The following WNT7B variants were observed in gnomAD, a reference collection of about 807,000 sequenced individuals.
WNT7B encodes the protein protein Wnt-7b.
A neutral mutation model predicts 38.2 loss-of-function variants in WNT7B; 19 were observed. That is an observed-to-expected ratio of 0.50 (90% CI 0.35 to 0.73). The LOEUF (loss-of-function observed/expected upper bound fraction) is 0.73, where lower values mean the gene tolerates loss of function less well. Among genes scored for constraint, WNT7B ranks in the 30% least tolerant of loss-of-function variants. The probability of loss-of-function intolerance (pLI) is 0.01; values close to 1 mark genes in which losing one functional copy is unlikely to be tolerated. For missense variants in WNT7B, 423 were observed against 507.9 expected (o/e 0.83, Z 1.61); for synonymous variants, 243 against 209.3 (o/e 1.16, Z -1.39).
chr22:45,933,496 C>T (rs779410190), intron 2 of WNT7B, among the ~76,000 whole-genome samples: 7 of 152,050 alleles, frequency 4.6e-5, no homozygotes, highest in Non-Finnish European at 8.8e-5. Context: ...TTAAACGCCC[C>T]GTTCTGTCTG....
intron 2 of WNT7B, among the ~76,000 whole-genome samples, chr22:45,949,592 C>G (rs1430948247): frequency 6.6e-6 from 1 of 152,234 alleles, no homozygotes; most frequent in Admixed American, 6.5e-5. Context: ...GAATGGGCCC[C>G]AACCACTGCA....
intron 1 of WNT7B, among the ~76,000 whole-genome samples, chr22:45,958,706 C>T (rs1332146634): frequency 6.6e-6 from 1 of 152,218 alleles, no homozygotes; most frequent in Non-Finnish European, 1.5e-5. Context: ...CCCACCCCCA[C>T]TGTCCCGGGG....
chr22:45,935,512 T>G (rs910599635), intron 2 of WNT7B, among the ~76,000 whole-genome samples: 5 of 152,038 alleles, frequency 3.3e-5, no homozygotes, highest in East Asian at 1.9e-4. Context: ...CTCCCACATA[T>G]CCACACACTC....
chr22:45,947,082 GC>G (rs1931814110), intron 2 of WNT7B, among the ~76,000 whole-genome samples: 1 of 152,212 alleles, frequency 6.6e-6, no homozygotes. Context: ...TCCCTGATCA[GC>G]CCCTCTTCCT....
intron 2 of WNT7B, among the ~76,000 whole-genome samples, chr22:45,946,461 C>T (rs1931798545): frequency 6.6e-6 from 1 of 152,162 alleles, no homozygotes; most frequent in Admixed American, 6.5e-5. Flanking sequence ...TCTCCTGATG[C>T]TCACGCTGCC....
At chr22:45,957,176 C>A (rs1450195465) in intron 1 of WNT7B, among the ~76,000 whole-genome samples, 1 of 151,698 alleles carries the variant, frequency 6.6e-6, no homozygotes, top group Non-Finnish European at 1.5e-5. Context: ...CAATAGTTAC[C>A]CTTGGGTGGG....
chr22:45,950,203 C>A (rs923496886), intron 1 of WNT7B, 57 bp from the exon 2 acceptor site: 9 of 1,434,642 alleles, frequency 6.3e-6, no homozygotes, highest in Non-Finnish European at 8.7e-6. Context: ...CCCCTCCTCA[C>A]CCCCAACACC....
intron 2 of WNT7B, among the ~76,000 whole-genome samples, chr22:45,947,741 C>T (rs915675660): frequency 5.9e-5 from 9 of 152,146 alleles, no homozygotes; most frequent in Non-Finnish European, 1.0e-4. Context: ...GCAGTAGGGG[C>T]GATCAAGGGT....
chr22:45,933,635 G>A (rs1311442033), intron 2 of WNT7B, among the ~76,000 whole-genome samples: 2 of 152,202 alleles, frequency 1.3e-5, no homozygotes, highest in Non-Finnish European at 2.9e-5. Flanking sequence ...AGGGATCATG[G>A]CACCTCAAAG....
chr22:45,944,253 G>A (rs1249982905), intron 2 of WNT7B, among the ~76,000 whole-genome samples: 2 of 152,224 alleles, frequency 1.3e-5, no homozygotes, highest in Admixed American at 1.3e-4. Flanking sequence ...AGTTCCAGGT[G>A]GCCTCGGAGG....
intron 1 of WNT7B, among the ~76,000 whole-genome samples, chr22:45,969,202 G>GC (rs1379229475): frequency 6.6e-6 from 1 of 152,126 alleles, no homozygotes; most frequent in Non-Finnish European, 1.5e-5. Context: ...CGTGGTAAGT[G>GC]CCCCCCCACC....
At chr22:45,929,379 CCCACTCACCCATCCAT>C (rs529652279) in intron 3 of WNT7B, among the ~76,000 whole-genome samples, 55 of 150,622 alleles carry the variant, frequency 3.7e-4, no homozygotes, top group Non-Finnish European at 6.5e-4. Context: ...CACCCATCCA[CCCACTCACCCATCCAT>C]CCTTCCATCC....
At chr22:45,925,210 G>A (rs941975999) in intron 3 of WNT7B, 27 of 983,552 alleles carry the variant, frequency 2.7e-5, no homozygotes, top group Admixed American at 6.2e-5. Context: ...GGTGGGTGCC[G>A]GGTGGGCGCA....
chr22:45,955,453 A>G (rs1016532125), intron 1 of WNT7B, among the ~76,000 whole-genome samples: 2 of 152,232 alleles, frequency 1.3e-5, no homozygotes, highest in African/African-American at 4.8e-5. Context: ...GGGCACCCTC[A>G]GCAAACCCTG....
chr22:45,936,951 C>T (rs961655615), intron 2 of WNT7B, among the ~76,000 whole-genome samples: 1 of 152,250 alleles, frequency 6.6e-6, no homozygotes, highest in Non-Finnish European at 1.5e-5. Flanking sequence ...CTCAAGCTCC[C>T]TGCCACTTCC....
At chr22:45,935,383 G>A (rs570132183) in intron 2 of WNT7B, among the ~76,000 whole-genome samples, 1 of 152,220 alleles carries the variant, frequency 6.6e-6, no homozygotes, top group African/African-American at 2.4e-5. Context: ...TGGCCTGCCT[G>A]CAGGTTGGGC....
intron 1 of WNT7B, among the ~76,000 whole-genome samples, chr22:45,957,112 A>AG (rs201773630): frequency 0.39 from 57,043 of 144,500 alleles, 12,143 homozygotes; most frequent in East Asian, 0.67. Flanking sequence ...CTCAAAAAAA[A>AG]AAAAAAAAAA....
At chr22:45,940,617 G>A (rs757053337) in intron 2 of WNT7B, among the ~76,000 whole-genome samples, 3 of 152,168 alleles carry the variant, frequency 2.0e-5, no homozygotes, top group Admixed American at 6.5e-5. Context: ...GTGCAAGGCC[G>A]AGCACACAGC....
At chr22:45,942,946 ATGTGTGCAGTGTGCATGTGTGTGTGCGTG>A (rs1931692524) in intron 2 of WNT7B, among the ~76,000 whole-genome samples, 1 of 143,734 alleles carries the variant, frequency 7.0e-6, no homozygotes, top group South Asian at 2.1e-4. Context: ...GTAGGCGTGT[ATGTGTGCAGTGTGCATGTGTGTGTGCGTG>A]TGTGCAGTGT....
Sources: allele counts gnomAD v4.1 joint callset (sites outside exome capture counted in the v4.1 genomes callset), GRCh38; gene constraint gnomAD v4.1.1; transcripts MANE v1.5; gene names NCBI Gene and HGNC (gene_info 2026-07-23, HGNC 2026-07-21).